ABCA13: variants seen among roughly 807,000 people sequenced by gnomAD.
ABCA13 encodes the protein ATP binding cassette subfamily A member 13, also known as ATP-binding cassette sub-family A member 13.
A neutral mutation model predicts 478.7 loss-of-function variants in ABCA13; 476 were observed. The observed-to-expected ratio is 0.99, with a 90% confidence interval of 0.92 to 1.07. The LOEUF (loss-of-function observed/expected upper bound fraction) is 1.07. Among genes scored for constraint, ABCA13 ranks in the 50% least tolerant of loss-of-function variants. ABCA13 has a pLI of 0.00. For missense variants in ABCA13, 6,060 were observed against 5,910.6 expected (o/e 1.03, Z -0.83); for synonymous variants, 2,252 against 2,158.9 (o/e 1.04, Z -1.20).
At chr7:48,240,788 T>A in intron 9 of ABCA13, 79 bp from the exon 10 acceptor site, 1 of 1,198,512 alleles carries the variant, frequency 8.3e-7, no homozygotes, top group Non-Finnish European at 1.1e-6. Context: ...TAGAGTGGTA[T>A]GTTAATATTT....
intron 7 of ABCA13, among the ~76,000 whole-genome samples, chr7:48,233,460 T>G (rs1468743637): frequency 6.6e-6 from 1 of 152,052 alleles, no homozygotes; most frequent in Non-Finnish European, 1.5e-5. Flanking sequence ...GTGCCATGGG[T>G]TTTTTGGGTA....
intron 58 of ABCA13, among the ~76,000 whole-genome samples, chr7:48,599,251 A>AT (rs528508993): frequency 2.4e-4 from 36 of 150,834 alleles, no homozygotes; most frequent in African/African-American, 4.6e-4. Flanking sequence ...TTTTTAAGAG[A>AT]TTTTTTTTTC....
intron 59 of ABCA13, among the ~76,000 whole-genome samples, chr7:48,619,915 A>G (rs911523120): frequency 3.3e-5 from 5 of 152,198 alleles, no homozygotes; most frequent in Admixed American, 1.3e-4. Context: ...ACACCCCTCC[A>G]TAACAGGCAA....
At chr7:48,253,594 T>C (rs1453114333) in intron 15 of ABCA13, among the ~76,000 whole-genome samples, 1 of 152,208 alleles carries the variant, frequency 6.6e-6, no homozygotes, top group African/African-American at 2.4e-5. Context: ...CAAGTGATTC[T>C]CCTGACTTTG....
chr7:48,580,389 G>GAA lies in ABCA13; in HGVS notation c.14505+15_14505+16insAA. Reference sequence around the variant, plus strand: ...GCATCCCTGAGGTAAATCTCCCTGGGGTCTTCTAGATAAAGGGACCCATTG... The same window carrying GAA: ...GCATCCCTGAGGTAAATCTCCCTGGGAAGTCTTCTAGATAAAGGGACCCATTG... On this transcript the variant is annotated intron_variant, in intron 56 of 61. Transcript: ENST00000435803. The GAA allele has an allele frequency of 1.2e-6, 2 of 1,606,164 alleles. No individual in the cohort carries two copies. Among genetic ancestry groups the GAA allele is most frequent in the South Asian group, 2.2e-5 (2 of 89,406 alleles).
rs1790746550 is a variant in ABCA13, at chr7:48,240,981, G to A, written c.1177G>A (p.Val393Met). 6.2e-7 allele frequency: 1 copy of A among 1,613,954 alleles called. No individual in the cohort carries two copies. Among genetic ancestry groups the A allele is most frequent in the South Asian group, 1.1e-5 (1 of 91,072 alleles). ...AGAAGAGAGCAAGCCCTGGAAGGTG[G>A]TGGAAGCTCTGCACACTGCACTGCT... The part of the protein sequence containing the change: ...FEEESKPWKV[V>M]EALHTALLLL... Residue 393 changes from valine (V) to methionine (M), a missense_variant, in exon 10 of 62, where the codon GTG becomes ATG. Coordinates refer to ENST00000435803, the MANE Select transcript of ABCA13 (RefSeq NM_152701.5).
At chr7:48,241,092 A>G (rs761374826) in intron 10 of ABCA13, 26 bp downstream of exon 10, 13 of 1,612,526 alleles carry the variant, frequency 8.1e-6, no homozygotes, top group South Asian at 1.1e-5. Flanking sequence ...CTGTTTGATT[A>G]TTGATTAGGT....
At chr7:48,182,070 T>C (rs1222378436) in intron 1 of ABCA13, among the ~76,000 whole-genome samples, 1 of 152,140 alleles carries the variant, frequency 6.6e-6, no homozygotes, top group African/African-American at 2.4e-5. Context: ...CTATGGAGGC[T>C]GTAGCTTTCC....
chr7:48,346,236 TATGC>T (rs1312234459), intron 29 of ABCA13, among the ~76,000 whole-genome samples: 10 of 152,198 alleles, frequency 6.6e-5, no homozygotes, highest in Non-Finnish European at 1.3e-4. Context: ...CTCCCAATTA[TATGC>T]ATGATAAGAA....
At chr7:48,198,483 T>A in intron 3 of ABCA13, 123 bp downstream of exon 3, 1 of 1,136,500 alleles carries the variant, frequency 8.8e-7, no homozygotes, top group Non-Finnish European at 1.2e-6. Context: ...GTATAGAAAT[T>A]AAAGTTTTAT....
intron 5 of ABCA13, among the ~76,000 whole-genome samples, chr7:48,222,237 A>T (rs1393259655): frequency 6.6e-6 from 1 of 152,246 alleles, no homozygotes; most frequent in East Asian, 1.9e-4. Flanking sequence ...TATGGGACAC[A>T]CACTCAAAAT....
chr7:48,611,757 G>A (rs1164454172), intron 58 of ABCA13, among the ~76,000 whole-genome samples: 3 of 152,076 alleles, frequency 2.0e-5, no homozygotes, highest in Non-Finnish European at 4.4e-5. Flanking sequence ...AGATTTTGGT[G>A]GGGACACCAA....
chr7:48,265,245 T>A (rs35221001), intron 15 of ABCA13, among the ~76,000 whole-genome samples: 42,956 of 150,804 alleles, frequency 0.28, 6,768 homozygotes, highest in Middle Eastern at 0.39. Flanking sequence ...TTCTTTTTTT[T>A]AAAAAAAATG....
chr7:48,295,653 A>C (rs763190877), intron 20 of ABCA13, 47 bp from the exon 21 acceptor site: 4 of 1,605,834 alleles, frequency 2.5e-6, no homozygotes, highest in Non-Finnish European at 3.4e-6. Context: ...AAAATCTTAC[A>C]GATAAGTATG....
rs565948557 is a variant in ABCA13, at chr7:48,322,419, G to A, written c.9999+5123G>A. Among the ~76,000 whole-genome samples the A allele has an allele frequency of 1.8e-4, 28 of 152,282 alleles. No individual in the cohort carries two copies. The South Asian group carries it at 2.9e-3, about 16-fold the overall frequency. On this transcript the variant is annotated intron_variant, in intron 27 of 61. Transcript: ENST00000435803. ...CCTTGGGATCCAGTGTGCCAGAGAC[G>A]CATGTCCTCACCTGACCACTGTGTT...
chr7:48,297,918 G>T (rs1437417485), intron 22 of ABCA13, among the ~76,000 whole-genome samples: 1 of 151,056 alleles, frequency 6.6e-6, no homozygotes, highest in Non-Finnish European at 1.5e-5. Flanking sequence ...GGGATTACAG[G>T]GATGTGCCAC....
chr7:48,416,449 G>A (rs942700404), intron 41 of ABCA13, among the ~76,000 whole-genome samples: 6 of 152,096 alleles, frequency 3.9e-5, no homozygotes, highest in Admixed American at 1.3e-4. Context: ...ACCATGCATG[G>A]TGCTCCCTCA....
chr7:48,526,110 T>G (rs1211461654), intron 54 of ABCA13, among the ~76,000 whole-genome samples: 1 of 152,108 alleles, frequency 6.6e-6, no homozygotes, highest in East Asian at 1.9e-4. Flanking sequence ...GTAATTTTTG[T>G]ACTGAAAAAT....
At chr7:48,271,733 TAAATC>T (rs1177364893) in intron 16 of ABCA13, 49 bp from the exon 17 acceptor site, 7 of 1,109,750 alleles carry the variant, frequency 6.3e-6, no homozygotes, top group African/African-American at 1.6e-5. Flanking sequence ...GGAAATTTGA[TAAATC>T]AAATTTATTT....
Sources: gnomAD v4.1 joint callset for allele counts (sites outside exome capture counted in the v4.1 genomes callset) on GRCh38, gnomAD v4.1.1 for gene constraint, MANE v1.5 for transcripts, NCBI Gene and HGNC (gene_info 2026-07-23, HGNC 2026-07-21) for gene names.